Variants in THSD7A observed in about 807,000 individuals in gnomAD.
THSD7A encodes thrombospondin type-1 domain-containing protein 7A.
THSD7A carries 96 observed loss-of-function variants against 231.3 expected under a neutral mutation model. The ratio of observed to expected loss-of-function variants is 0.41; its 90% confidence interval spans 0.35 to 0.49. The LOEUF is 0.49. Ranked by LOEUF, THSD7A falls within the 20% of genes least tolerant of loss-of-function variation. THSD7A has a pLI of 0.05. For missense variants in THSD7A, 2,290 were observed against 2,070.2 expected (o/e 1.11, Z -2.06); for synonymous variants, 940 against 743.3 (o/e 1.26, Z -4.30).
At chr7:11,825,264 C>G (rs879212928) in intron 1 of THSD7A, among the ~76,000 whole-genome samples, 1 of 152,034 alleles carries the variant, frequency 6.6e-6, no homozygotes, top group Non-Finnish European at 1.5e-5. Context: ...TTCATAAATG[C>G]CTTCTTACAT....
At chr7:11,507,089 T>C (rs990202387) in intron 6 of THSD7A, among the ~76,000 whole-genome samples, 1 of 152,124 alleles carries the variant, frequency 6.6e-6, no homozygotes, top group Non-Finnish European at 1.5e-5. Flanking sequence ...AGTAAATAAG[T>C]GAGCATGATA....
intron 1 of THSD7A, among the ~76,000 whole-genome samples, chr7:11,790,932 C>A (rs1468939138): frequency 6.6e-6 from 1 of 151,806 alleles, no homozygotes. Context: ...CTTCATTATT[C>A]TTTAAAGAAC....
chr7:11,553,127 G>A (rs1052063577), intron 4 of THSD7A, among the ~76,000 whole-genome samples: 6 of 152,174 alleles, frequency 3.9e-5, no homozygotes, highest in Non-Finnish European at 5.9e-5. Context: ...CAGTATTGCT[G>A]AAACAAAGCC....
chr7:11,569,292 C>T (rs1383898236), intron 4 of THSD7A, among the ~76,000 whole-genome samples: 1 of 152,036 alleles, frequency 6.6e-6, no homozygotes, highest in African/African-American at 2.4e-5. Flanking sequence ...TCCAACAAGG[C>T]ACTAACGTCT....
chr7:11,583,319 G>A lies in THSD7A; in HGVS notation c.1453+7141C>T, dbSNP rs182319063. On this transcript the variant is annotated intron_variant, in intron 4 of 27. Coordinates refer to ENST00000423059, the MANE Select transcript of THSD7A (RefSeq NM_015204.3). ...TGAGACAGGGTCTTTCTCTGCCACCGAGGCTGGAGTGCAGTGGCACAATCT... is the reference window on the plus strand; with the variant it reads ...TGAGACAGGGTCTTTCTCTGCCACCAAGGCTGGAGTGCAGTGGCACAATCT... 6.9e-3 allele frequency among the ~76,000 whole-genome samples: 1,045 copies of A among 151,886 alleles called. 9 individuals carry two copies. The highest frequency in any genetic ancestry group is 0.024 in the African/African-American group (1,006 of 41,424).
chr7:11,679,199 C>G (rs1783768373), intron 1 of THSD7A, among the ~76,000 whole-genome samples: 1 of 152,078 alleles, frequency 6.6e-6, no homozygotes, highest in Non-Finnish European at 1.5e-5. Context: ...TAACATATCT[C>G]AAAATAATAA....
At chr7:11,398,238 G>T (rs1783265169) in intron 23 of THSD7A, among the ~76,000 whole-genome samples, 1 of 152,118 alleles carries the variant, frequency 6.6e-6, no homozygotes, top group Non-Finnish European at 1.5e-5. Flanking sequence ...CCTTTGCAGG[G>T]ACATGGATGA....
chr7:11,788,834 T>C (rs924625811), intron 1 of THSD7A, among the ~76,000 whole-genome samples: 2 of 152,050 alleles, frequency 1.3e-5, no homozygotes, highest in Non-Finnish European at 1.5e-5. Context: ...AATTAATACA[T>C]GGCTATAGTC....
intron 1 of THSD7A, among the ~76,000 whole-genome samples, chr7:11,648,764 T>G (rs1782383283): frequency 6.6e-6 from 1 of 151,954 alleles, no homozygotes; most frequent in Non-Finnish European, 1.5e-5. Flanking sequence ...CTGCCACTTT[T>G]CTATTAGGGG....
chr7:11,465,257 A>G (rs1267872373), intron 9 of THSD7A, among the ~76,000 whole-genome samples: 1 of 152,176 alleles, frequency 6.6e-6, no homozygotes, highest in African/African-American at 2.4e-5. Context: ...TTATAGTGGT[A>G]AGCGCACAGG....
chr7:11,612,029 C>T lies in THSD7A; in HGVS notation c.1023-18527G>A, dbSNP rs140030245. On this transcript the variant is annotated intron_variant, in intron 2 of 27. Transcript: ENST00000423059. ...ATGGAGCTCTCTGAGAAGGCTTGAG[C>T]CCTTCATGACATTGCCCCCAACTCC... 6.9e-4 allele frequency among the ~76,000 whole-genome samples: 105 copies of T among 152,192 alleles called. No homozygotes were observed. In the East Asian group the frequency reaches 0.019, roughly 27 times the overall value.
intron 1 of THSD7A, among the ~76,000 whole-genome samples, chr7:11,822,319 T>C (rs769919533): frequency 2.0e-5 from 3 of 152,174 alleles, no homozygotes; most frequent in Non-Finnish European, 2.9e-5. Context: ...TGTGCCTAGC[T>C]GGTTTCACTT....
chr7:11,498,662 A>C (rs947826504), intron 6 of THSD7A, among the ~76,000 whole-genome samples: 1 of 151,302 alleles, frequency 6.6e-6, no homozygotes, highest in Non-Finnish European at 1.5e-5. Context: ...TCCTCATCCT[A>C]TTCCTCCTCA....
chr7:11,553,446 G>T (rs183498915), intron 4 of THSD7A, among the ~76,000 whole-genome samples: 1 of 152,062 alleles, frequency 6.6e-6, no homozygotes, highest in Non-Finnish European at 1.5e-5. Flanking sequence ...AGTGAATGAA[G>T]TAAAGGACAG....
intron 2 of THSD7A, among the ~76,000 whole-genome samples, chr7:11,609,914 A>G (rs1169635601): frequency 1.3e-5 from 2 of 152,126 alleles, no homozygotes; most frequent in East Asian, 3.9e-4. Flanking sequence ...TTGTTAAATG[A>G]TCTTGAGAAA....
intron 6 of THSD7A, among the ~76,000 whole-genome samples, chr7:11,535,037 T>C (rs1014826973): frequency 3.9e-5 from 6 of 152,184 alleles, no homozygotes; most frequent in Non-Finnish European, 7.4e-5. Flanking sequence ...CCACCACCTA[T>C]GACAAAGTAA....
At chr7:11,477,459 G>A (rs12531791) in intron 7 of THSD7A, among the ~76,000 whole-genome samples, 19,685 of 152,136 alleles carry the variant, frequency 0.13, 1,494 homozygotes, top group Middle Eastern at 0.19. Flanking sequence ...TTAAGGGGGT[G>A]TCTGTCAGAC....
chr7:11,652,131 G>T (rs1052362200), intron 1 of THSD7A, among the ~76,000 whole-genome samples: 1 of 151,586 alleles, frequency 6.6e-6, no homozygotes, highest in South Asian at 2.1e-4. Context: ...ATTATTTATA[G>T]ATACATATTA....
intron 4 of THSD7A, among the ~76,000 whole-genome samples, chr7:11,567,642 T>A (rs1215945427): frequency 6.6e-6 from 1 of 152,178 alleles, no homozygotes; most frequent in African/African-American, 2.4e-5. Flanking sequence ...TGACATCTGA[T>A]TTAGGGTAAC....
Sources: allele counts gnomAD v4.1 joint callset (sites outside exome capture counted in the v4.1 genomes callset), GRCh38; gene constraint gnomAD v4.1.1; transcripts MANE v1.5; gene names NCBI Gene and HGNC (gene_info 2026-07-23, HGNC 2026-07-21).